The following BNIP3L variants were observed in gnomAD, a reference collection of about 807,000 sequenced individuals.
BNIP3L encodes BCL2/adenovirus E1B 19 kDa protein-interacting protein 3-like.
In BNIP3L, 10 loss-of-function variants were observed where a neutral mutation model predicts 25.5. That is an observed-to-expected ratio of 0.39 (90% CI 0.24 to 0.67). The LOEUF (loss-of-function observed/expected upper bound fraction) is 0.67, where lower values mean the gene tolerates loss of function less well. Among genes scored for constraint, BNIP3L ranks in the 30% least tolerant of loss-of-function variants. BNIP3L has a pLI of 0.45. For missense variants in BNIP3L, 215 were observed against 270.9 expected (o/e 0.79, Z 1.45); for synonymous variants, 113 against 101.2 (o/e 1.12, Z -0.70).
chr8:26,408,285 G>T lies in BNIP3L; in HGVS notation c.520G>T (p.Ala174Ser). The T allele has an allele frequency of 6.2e-7, 1 of 1,614,156 alleles. No individual in the cohort carries two copies. The highest frequency in any genetic ancestry group is 8.5e-7 in the Non-Finnish European group (1 of 1,179,974). Residue 174 changes from alanine (A) to serine (S), a missense_variant, in exon 5 of 6, where the codon GCC becomes TCC. Coordinates refer to ENST00000380629, the MANE Select transcript of BNIP3L (RefSeq NM_004331.3). ...SVSLSMRKSGAMKKGGIFSAE... is the reference protein window; with the variant it reads ...SVSLSMRKSGSMKKGGIFSAE... ...GTCTTTAAGCATGAGGAAAAGTGGA[G>T]CCATGAAGAAAGGGGGTATTTTCTC... is the stretch of plus-strand genomic sequence containing the variant.
rs184602807 is a variant in BNIP3L, at chr8:26,405,871, C to T, written c.358-2129C>T. ...CAGCCTGGCCAACATGGTGAAACCC[C>T]GTCTCTACGAAAAATATAAAAATTT... On this transcript the variant is annotated intron_variant, in intron 3 of 5. Transcript: ENST00000380629. Among the ~76,000 whole-genome samples, 100 of 152,064 alleles carry T rather than the reference C, an allele frequency of 6.6e-4. No individual in the cohort carries two copies. In the East Asian group the frequency reaches 0.018, roughly 27 times the overall value.
chr8:26,392,716 G>A (rs1410366970), intron 2 of BNIP3L, among the ~76,000 whole-genome samples: 4 of 152,226 alleles, frequency 2.6e-5, no homozygotes, highest in Admixed American at 6.5e-5. Flanking sequence ...CTGTCTTTCC[G>A]AATGAAGATT....
In BNIP3L at chr8:26,412,579, TAC is replaced by T. The variant is rs1171732992; in HGVS notation, c.*2169_*2170del. On this transcript the variant is annotated 3_prime_UTR_variant, in exon 6 of 6. Transcript: ENST00000380629. ...TATGGAAAATTACTTAAAACGTGAATACATCATCACAGTAGAATTTATTATGA... is the reference window on the plus strand; with the variant it reads ...TATGGAAAATTACTTAAAACGTGAATATCATCACAGTAGAATTTATTATGA... The T allele has an allele frequency of 1.3e-5, 2 of 152,460 alleles. No individual in the cohort carries two copies. The highest frequency in any genetic ancestry group is 4.8e-5 in the African/African-American group (2 of 41,446). The allele number at this position is 152,460 out of a possible 1,614,324, so 9.4% of individuals were successfully genotyped here.
chr8:26,394,257 C>A (rs1376211874), intron 2 of BNIP3L, among the ~76,000 whole-genome samples: 1 of 152,018 alleles, frequency 6.6e-6, no homozygotes, highest in Non-Finnish European at 1.5e-5. Context: ...TAAATTTTTA[C>A]AGTTCTAAGA....
intron 3 of BNIP3L, among the ~76,000 whole-genome samples, chr8:26,402,039 C>G (rs1178441251): frequency 1.3e-5 from 2 of 152,072 alleles, no homozygotes; most frequent in South Asian, 2.1e-4. Context: ...CAACAAAAAC[C>G]TTGTTTTGTC....
At chr8:26,383,427 C>A (rs1286458688) in intron 1 of BNIP3L, 197 bp downstream of exon 1, 1 of 1,401,924 alleles carries the variant, frequency 7.1e-7, no homozygotes, top group Non-Finnish European at 9.3e-7. Context: ...CTGTTGCCTC[C>A]TGGGGTCTTG....
chr8:26,389,789 G>T (rs1158550708), intron 1 of BNIP3L, among the ~76,000 whole-genome samples: 1 of 152,182 alleles, frequency 6.6e-6, no homozygotes, highest in Non-Finnish European at 1.5e-5. Flanking sequence ...TTCCCAGCTA[G>T]GTCTGCCTTG....
chr8:26,407,251 T>C (rs1445155911), intron 3 of BNIP3L, among the ~76,000 whole-genome samples: 1 of 151,898 alleles, frequency 6.6e-6, no homozygotes, highest in Non-Finnish European at 1.5e-5. Flanking sequence ...AGTGGCGCGA[T>C]CTCTGCTCAC....
rs1402619347 is a variant in BNIP3L, at chr8:26,392,434, T to C, written c.284+1008T>C. Among the ~76,000 whole-genome samples the C allele has an allele frequency of 5.3e-5, 8 of 152,264 alleles. No individual in the cohort carries two copies. In the East Asian group the frequency reaches 1.5e-3, roughly 29 times the overall value. ...GTAAAAATTGTGTATATTGCACATA[T>C]TATTACTTATCAGAAGAAGTGAAAA... On this transcript the variant is annotated intron_variant, in intron 2 of 5. Coordinates refer to ENST00000380629, the MANE Select transcript of BNIP3L (RefSeq NM_004331.3).
At chr8:26,393,223 G>T (rs187433606) in intron 2 of BNIP3L, among the ~76,000 whole-genome samples, 2 of 151,594 alleles carry the variant, frequency 1.3e-5, no homozygotes, top group African/African-American at 4.8e-5. Context: ...TCTTGTAGGG[G>T]GAAATGTTTT....
chr8:26,407,721 A>G (rs780220087), intron 3 of BNIP3L, among the ~76,000 whole-genome samples: 3 of 152,188 alleles, frequency 2.0e-5, no homozygotes, highest in Non-Finnish European at 4.4e-5. Flanking sequence ...GAGGTTTTTC[A>G]TACTTCCCTT....
rs764937276 is a variant in BNIP3L, at chr8:26,391,268, C to A, written c.126C>A (p.Asn42Lys). ...GTTCCTGGGTGGAGCTACCCATGAA[C>A]AGCAGCAATGGCAATGATAATGGCA... is the stretch of plus-strand genomic sequence containing the variant. ...LNSSWVELPM[N>K]SSNGNDNGNG... The change falls in exon 2 of 6, where the codon AAC (asparagine) becomes AAA (lysine). Residue 42 changes from asparagine (N) to lysine (K), a missense_variant. Asn to Lys is a moderately conservative substitution (Grantham distance 94, BLOSUM62 0). Transcript: ENST00000380629. 1 of 1,609,918 alleles carries A rather than the reference C, an allele frequency of 6.2e-7. No individual in the cohort carries two copies. Among genetic ancestry groups the A allele is most frequent in the East Asian group, 2.2e-5 (1 of 44,704 alleles).
Position 26,390,540 on chromosome 8 carries a change from G to A in BNIP3L, c.101-703G>A, listed in dbSNP as rs1806082300. 3.0e-6 allele frequency: 3 copies of A among 985,068 alleles called. No individual in the cohort carries two copies. In the Admixed American group the frequency reaches 1.8e-4, roughly 61 times the overall value. The allele number at this position is 985,068 out of a possible 1,614,324, so 61.0% of individuals were successfully genotyped here. On this transcript the variant is annotated intron_variant, in intron 1 of 5. Transcript: ENST00000380629. ...AAGGTATGTTTAGTGTATAAAAAAG[G>A]AGAAGGACTAGAAAGCCTGAGATAC... is the stretch of plus-strand genomic sequence containing the variant.
At chr8:26,401,574 C>CA (rs34831973) in intron 3 of BNIP3L, among the ~76,000 whole-genome samples, 188 of 61,210 alleles carry the variant, frequency 3.1e-3, no homozygotes, top group East Asian at 0.011. Flanking sequence ...AAAAAAAAAA[C>CA]AAAAAAAAAA....
chr8:26,395,331 A>C (rs765700959), intron 3 of BNIP3L, 29 bp downstream of exon 3: 3 of 1,594,654 alleles, frequency 1.9e-6, no homozygotes, highest in Non-Finnish European at 1.7e-6. Context: ...GATTTACAGT[A>C]AACAATTAAG....
At chr8:26,386,563 T>C (rs1805997568) in intron 1 of BNIP3L, among the ~76,000 whole-genome samples, 1 of 152,202 alleles carries the variant, frequency 6.6e-6, no homozygotes, top group Non-Finnish European at 1.5e-5. Context: ...GCCTCCCAAG[T>C]AGCTAGGACT....
chr8:26,401,698 C>T (rs1806387395), intron 3 of BNIP3L, among the ~76,000 whole-genome samples: 1 of 150,020 alleles, frequency 6.7e-6, no homozygotes, highest in Admixed American at 6.6e-5. Flanking sequence ...GAAATCAAAG[C>T]AGTGGCTTTT....
intron 3 of BNIP3L, among the ~76,000 whole-genome samples, chr8:26,398,170 A>AT (rs1162301546): frequency 1.2e-5 from 1 of 85,522 alleles, no homozygotes; most frequent in Non-Finnish European, 2.4e-5. Context: ...CAGAATATAC[A>AT]TTTTTTTCAG....
rs143298004 is a variant in BNIP3L at position 26,404,601 on chromosome 8, G to T, written c.358-3399G>T. Among the ~76,000 whole-genome samples, 842 of 152,290 alleles carry T rather than the reference G, an allele frequency of 5.5e-3. 7 individuals carry two copies. Among genetic ancestry groups the T allele is most frequent in the African/African-American group, 0.019 (789 of 41,566 alleles). On this transcript the variant is annotated intron_variant, in intron 3 of 5. Coordinates refer to ENST00000380629, the MANE Select transcript of BNIP3L (RefSeq NM_004331.3). ...GTGGCATCGGCTCACTGCAACCTCTGTTTCCAGGTGGTTCTGCTGCCTCAG... is the reference window on the plus strand; with the variant it reads ...GTGGCATCGGCTCACTGCAACCTCTTTTTCCAGGTGGTTCTGCTGCCTCAG...
Sources: allele counts gnomAD v4.1 joint callset (sites outside exome capture counted in the v4.1 genomes callset), GRCh38; gene constraint gnomAD v4.1.1; transcripts MANE v1.5; gene names NCBI Gene and HGNC (gene_info 2026-07-23, HGNC 2026-07-21).